The following PCDHGA1 variants were observed in gnomAD, a reference collection of about 807,000 sequenced individuals.
The protein encoded by PCDHGA1 is protocadherin gamma subfamily A, 1.
PCDHGA1 carries 32 observed loss-of-function variants against 58.0 expected under a neutral mutation model. That is an observed-to-expected ratio of 0.55 (90% CI 0.42 to 0.74). PCDHGA1 has a LOEUF of 0.74. Ranked by LOEUF, PCDHGA1 falls within the 30% of genes least tolerant of loss-of-function variation. PCDHGA1 has a pLI of 0.00. For missense variants in PCDHGA1, 1,205 were observed against 1,182.3 expected, an observed-to-expected ratio of 1.02 and a Z score of -0.28; for synonymous variants, 498 against 501.1, an observed-to-expected ratio of 0.99 and a Z score of 0.08.
intron 1 of PCDHGA1, chr5:141,362,451 G>A (rs1762506197): frequency 4.3e-6 from 7 of 1,613,994 alleles, no homozygotes; most frequent in South Asian, 1.1e-5. Flanking sequence ...ACATAACCCC[G>A]GAATTGGTTC....
At chr5:141,350,053 AAAGG>A in intron 1 of PCDHGA1, 1 of 403,962 alleles carries the variant, frequency 2.5e-6, no homozygotes, top group Non-Finnish European at 4.3e-6. Flanking sequence ...CTGTCGACCA[AAAGG>A]AAGTGAAGGC....
intron 1 of PCDHGA1, chr5:141,370,169 G>T (rs953635284): frequency 3.5e-5 from 16 of 454,700 alleles, no homozygotes; most frequent in African/African-American, 2.2e-4. Flanking sequence ...CAGCAGAGGC[G>T]CCGGGTGCCG....
intron 1 of PCDHGA1, chr5:141,419,137 CAG>C (rs1561778402): frequency 1.2e-6 from 2 of 1,613,892 alleles, no homozygotes; most frequent in South Asian, 1.1e-5. Context: ...CAGCCACAGA[CAG>C]GGGCAAGCCT....
At chr5:141,420,234 T>G (rs766733064) in intron 1 of PCDHGA1, 1 of 1,600,030 alleles carries the variant, frequency 6.2e-7, no homozygotes, top group Non-Finnish European at 8.5e-7. Flanking sequence ...GCTAGCATTT[T>G]AACTCCCAGC....
At chr5:141,386,155 C>A (rs763846568) in intron 1 of PCDHGA1, among the ~76,000 whole-genome samples, 73 of 152,278 alleles carry the variant, frequency 4.8e-4, no homozygotes, top group Middle Eastern at 3.4e-3. Flanking sequence ...AACTGTCTCA[C>A]GTACTCAAAC....
At chr5:141,430,873 G>C (rs2097319709) in intron 1 of PCDHGA1, 1 of 1,598,842 alleles carries the variant, frequency 6.3e-7, no homozygotes, top group African/African-American at 1.3e-5. Flanking sequence ...TTCCGGAAGA[G>C]CTGGAGAAAG....
intron 1 of PCDHGA1, chr5:141,400,720 T>G (rs2150871186): frequency 1.5e-6 from 1 of 669,356 alleles, no homozygotes; most frequent in Non-Finnish European, 2.5e-6. Context: ...CCTTATAGAT[T>G]TACAAAGTAG....
chr5:141,455,577 C>T (rs1000865176), intron 1 of PCDHGA1, among the ~76,000 whole-genome samples: 3 of 152,120 alleles, frequency 2.0e-5, no homozygotes, highest in East Asian at 1.9e-4. Context: ...CCCACCCCAG[C>T]CTTTTAATAT....
chr5:141,342,157 C>T (rs1757129341), intron 1 of PCDHGA1: 1 of 151,902 alleles, frequency 6.6e-6, no homozygotes. Flanking sequence ...GTATTTTAAT[C>T]TTTAAAATAA....
chr5:141,462,161 T>G (rs1592764918), intron 1 of PCDHGA1, among the ~76,000 whole-genome samples: 1 of 152,148 alleles, frequency 6.6e-6, no homozygotes, highest in Non-Finnish European at 1.5e-5. Flanking sequence ...GGTTTCATCA[T>G]GTTGGCCAGG....
intron 1 of PCDHGA1, chr5:141,385,685 C>T (rs1022994434): frequency 3.0e-6 from 1 of 331,334 alleles, no homozygotes; most frequent in Non-Finnish European, 4.5e-6. Flanking sequence ...CAGCTGTCTT[C>T]TCAGGATTCT....
rs535871341 is a variant in PCDHGA1 at position 141,382,152 on chromosome 5, A to G, written c.2421+49047A>G. Among the ~76,000 whole-genome samples, 62 of 152,216 alleles carry G rather than the reference A, an allele frequency of 4.1e-4. 1 individual carries two copies. Among genetic ancestry groups the G allele is most frequent in the African/African-American group, 1.4e-3 (59 of 41,532 alleles). The stretch of plus-strand genomic sequence containing the variant: ...CCCCCCTCTCATTTTTTAAACGGTT[A>G]AAATGAAGGTGTTAGACCGTCTCTA... On this transcript the variant is annotated intron_variant, in intron 1 of 3. Transcript: ENST00000517417.
chr5:141,470,825 C>T (rs557419577), intron 1 of PCDHGA1, among the ~76,000 whole-genome samples: 5 of 152,064 alleles, frequency 3.3e-5, no homozygotes, highest in Admixed American at 1.3e-4. Context: ...GTAGTTAGGA[C>T]GACAAACACA....
chr5:141,487,688 G>T lies in PCDHGA1; in HGVS notation c.2422-7119G>T, dbSNP rs376927186. ...AGGCATATGGCTAGGCCATGTCCTAGAGAGTACTGGCCTCTCAGTAAGTGC... is the reference window on the plus strand; with the variant it reads ...AGGCATATGGCTAGGCCATGTCCTATAGAGTACTGGCCTCTCAGTAAGTGC... On this transcript the variant is annotated intron_variant, in intron 1 of 3. Coordinates refer to ENST00000517417, the MANE Select transcript of PCDHGA1 (RefSeq NM_018912.3). The surrounding 1 kb of genome is among the most constrained non-coding windows in gnomAD (Gnocchi z 5.0). 1.2e-6 allele frequency: 2 copies of T among 1,604,966 alleles called. No individual in the cohort carries two copies.
chr5:141,357,632 C>A, intron 1 of PCDHGA1: 1 of 1,612,944 alleles, frequency 6.2e-7, no homozygotes, highest in East Asian at 2.2e-5. Context: ...GTGAGTCAAT[C>A]TTATAATAGA....
In PCDHGA1 at chr5:141,330,736, C is replaced by T. The variant is rs1756320381; in HGVS notation, c.52C>T (p.Leu18Phe). ...TGCSRLMLLCLSLELLLEAGA... is the reference protein window; with the variant it reads ...TGCSRLMLLCFSLELLLEAGA... ...CTGCAGCAGGCTGATGCTTCTGTGTCTTTCTCTGGAGCTGCTGTTGGAAGC... is the reference window on the plus strand; with the variant it reads ...CTGCAGCAGGCTGATGCTTCTGTGTTTTTCTCTGGAGCTGCTGTTGGAAGC... The change falls in exon 1 of 4, where the codon CTT becomes TTT. Residue 18 changes from leucine (L) to phenylalanine (F), a missense_variant. Transcript: ENST00000517417. 7 of 1,613,844 alleles carry T rather than the reference C, an allele frequency of 4.3e-6. No individual in the cohort carries two copies. In the East Asian group the frequency reaches 1.6e-4, roughly 36 times the overall value.
At position 141,490,381 on chromosome 5, in the gene PCDHGA1, A is replaced by T. The variant is rs770046796; in HGVS notation, c.2422-4426A>T. 1 of 1,614,240 alleles carries T rather than the reference A, an allele frequency of 6.2e-7. No homozygotes were observed. The highest frequency in any genetic ancestry group is 1.1e-5 in the South Asian group (1 of 91,090). On this transcript the variant is annotated intron_variant, in intron 1 of 3. Coordinates refer to ENST00000517417, the MANE Select transcript of PCDHGA1 (RefSeq NM_018912.3). This position sits in a 1 kb window ranked among gnomAD's most constrained non-coding sequence, Gnocchi z 5.4. ...TAATGTGCGAGACCGGGACTCAGGT[A>T]GAAATGGTGAAGTGAGCCTTGATAT...
chr5:141,414,635 A>G (rs753834653), intron 1 of PCDHGA1: 72 of 1,613,866 alleles, frequency 4.5e-5, no homozygotes, highest in Admixed American at 2.0e-4. Flanking sequence ...GACAGCAAAG[A>G]GAATGCCCAG....
At chr5:141,362,069 C>T in intron 1 of PCDHGA1, 1 of 1,612,628 alleles carries the variant, frequency 6.2e-7, no homozygotes, top group African/African-American at 1.3e-5. Context: ...CTGCTGGTCG[C>T]TGTGCGTGAT....
Sources: allele counts gnomAD v4.1 joint callset (sites outside exome capture counted in the v4.1 genomes callset), GRCh38; gene constraint gnomAD v4.1.1; non-coding constraint Gnocchi (gnomAD v3.1); transcripts MANE v1.5; gene names NCBI Gene and HGNC (gene_info 2026-07-23, HGNC 2026-07-21).